The following SBF2 variants were observed in gnomAD, a reference collection of about 807,000 sequenced individuals.
The protein encoded by SBF2 is SET binding factor 2.
SBF2 carries 112 observed loss-of-function variants against 225.2 expected under a neutral mutation model. The observed-to-expected ratio is 0.50, with a 90% confidence interval of 0.43 to 0.58. The LOEUF is 0.58. SBF2 is among the 20% of genes least tolerant of loss of function. SBF2 has a pLI of 0.00. For synonymous variants in SBF2, 763 were observed against 773.3 expected, an observed-to-expected ratio of 0.99 and a Z score of 0.22; for missense variants, 1,996 against 2,206.2, an observed-to-expected ratio of 0.90 and a Z score of 1.91.
intron 16 of SBF2, chr11:9,961,721 A>G: frequency 2.3e-6 from 1 of 436,602 alleles, no homozygotes; most frequent in Non-Finnish European, 4.1e-6. Flanking sequence ...TGCTTATATT[A>G]CAGAACTAGT....
At chr11:10,215,728 T>C (rs1360552292) in intron 1 of SBF2, among the ~76,000 whole-genome samples, 1 of 152,256 alleles carries the variant, frequency 6.6e-6, no homozygotes, top group Admixed American at 6.5e-5. Flanking sequence ...ACTACTGCAA[T>C]ACCTTCATAA....
chr11:9,829,007 C>T (rs746495964), intron 28 of SBF2, among the ~76,000 whole-genome samples: 36 of 152,182 alleles, frequency 2.4e-4, no homozygotes, highest in Admixed American at 1.7e-3. Context: ...TGAGCTCACA[C>T]CTCACACCTG....
intron 2 of SBF2, among the ~76,000 whole-genome samples, chr11:10,121,343 C>A (rs868631934): frequency 1.3e-5 from 2 of 152,180 alleles, no homozygotes; most frequent in African/African-American, 2.4e-5. Flanking sequence ...TCTCTCCAAT[C>A]TCTCCTTTTT....
chr11:10,070,592 T>C (rs568086158), intron 2 of SBF2, among the ~76,000 whole-genome samples: 111 of 152,334 alleles, frequency 7.3e-4, no homozygotes, highest in Non-Finnish European at 1.2e-3. Flanking sequence ...TCAGGTAGCA[T>C]GATGCCTCCA....
chr11:10,022,161 T>C (rs993302125), intron 6 of SBF2, among the ~76,000 whole-genome samples: 4 of 152,202 alleles, frequency 2.6e-5, no homozygotes, highest in African/African-American at 9.7e-5. Flanking sequence ...ATGCCTTTTG[T>C]ACCTGAGGCA....
intron 1 of SBF2, among the ~76,000 whole-genome samples, chr11:10,195,814 G>A (rs867255613): frequency 3.3e-5 from 5 of 152,196 alleles, no homozygotes; most frequent in Admixed American, 1.3e-4. Context: ...AATTGCTGCA[G>A]TACAGTAACT....
At chr11:10,234,442 T>C (rs1170211316) in intron 1 of SBF2, among the ~76,000 whole-genome samples, 1 of 152,234 alleles carries the variant, frequency 6.6e-6, no homozygotes, top group Non-Finnish European at 1.5e-5. Flanking sequence ...ATTTGTTTTA[T>C]AACCATATCA....
intron 28 of SBF2, among the ~76,000 whole-genome samples, chr11:9,826,092 A>T (rs966565691): frequency 1.3e-5 from 2 of 152,244 alleles, no homozygotes; most frequent in African/African-American, 4.8e-5. Flanking sequence ...AAGGTCTAAA[A>T]TACCAGTCCA....
rs1851929823 is a variant in SBF2 at position 9,780,409 on chromosome 11, C to T, written c.*9G>A. ...CTTCTGTTTCTTCTGCGTGGGTTGA[C>T]CATGGGCATCAGGCATCAGAGATAC... is the stretch of plus-strand genomic sequence containing the variant. On this transcript the variant is annotated 3_prime_UTR_variant, in exon 40 of 40. Coordinates refer to ENST00000256190, the MANE Select transcript of SBF2 (RefSeq NM_030962.4). The T allele has an allele frequency of 6.2e-6, 10 of 1,610,500 alleles. No homozygotes were observed. The highest frequency in any genetic ancestry group is 8.5e-6 in the Non-Finnish European group (10 of 1,176,938).
At chr11:10,240,799 C>T (rs1959198401) in intron 1 of SBF2, among the ~76,000 whole-genome samples, 1 of 152,058 alleles carries the variant, frequency 6.6e-6, no homozygotes, top group South Asian at 2.1e-4. Flanking sequence ...ATTTGAAAAA[C>T]ACTTATTATT....
intron 1 of SBF2, among the ~76,000 whole-genome samples, chr11:10,237,991 A>G (rs1158385558): frequency 6.6e-6 from 1 of 152,248 alleles, no homozygotes; most frequent in Non-Finnish European, 1.5e-5. Context: ...TAAAGCTACT[A>G]CGAACATCCT....
intron 2 of SBF2, among the ~76,000 whole-genome samples, chr11:10,185,957 A>G (rs74782036): frequency 6.6e-6 from 1 of 152,226 alleles, no homozygotes; most frequent in African/African-American, 2.4e-5. Flanking sequence ...TTCACTCTCA[A>G]AAACATTCTG....
At chr11:9,967,132 G>C (rs1430778152) in intron 14 of SBF2, among the ~76,000 whole-genome samples, 4 of 152,208 alleles carry the variant, frequency 2.6e-5, no homozygotes. Flanking sequence ...AGGACTTTGG[G>C]AGGCCGAGGA....
chr11:9,781,580 T>G lies in SBF2; in HGVS notation c.5378A>C (p.Glu1793Ala). The G allele has an allele frequency of 6.2e-7, 1 of 1,614,246 alleles. No individual in the cohort carries two copies. The highest frequency in any genetic ancestry group is 1.3e-5 in the African/African-American group (1 of 75,072). The change falls in exon 39 of 40, where the codon GAA becomes GCA. Residue 1793 changes from glutamate (E) to alanine (A), a missense_variant. Glu to Ala is a moderately radical substitution (Grantham distance 107). Transcript: ENST00000256190. Reference protein sequence around the residue: ...TSCKGHIDLAEVEMVIPAGPS... With the variant: ...TSCKGHIDLAAVEMVIPAGPS... ...GCCAGCAGGGATGACCATTTCTACT[T>G]CAGCCAGATCAATGTGGCCTTTACA... is the stretch of plus-strand genomic sequence containing the variant.
chr11:9,930,444 G>A (rs1864404491), intron 16 of SBF2, among the ~76,000 whole-genome samples: 1 of 152,174 alleles, frequency 6.6e-6, no homozygotes, highest in African/African-American at 2.4e-5. Flanking sequence ...AAGATCAGCA[G>A]TCACCTGGGA....
At chr11:9,793,947 T>A (rs765212519) in intron 33 of SBF2, among the ~76,000 whole-genome samples, 2 of 152,236 alleles carry the variant, frequency 1.3e-5, no homozygotes, top group African/African-American at 2.4e-5. Flanking sequence ...ATCAGCTTAA[T>A]TCAGCAAAAC....
intron 1 of SBF2, among the ~76,000 whole-genome samples, chr11:10,248,248 T>TA (rs1960000012): frequency 6.6e-6 from 1 of 152,180 alleles, no homozygotes; most frequent in Admixed American, 6.5e-5. Flanking sequence ...ACTGGTCATT[T>TA]AAAAAGAGGG....
chr11:10,286,781 AAAG>A (rs1285145349), intron 1 of SBF2, among the ~76,000 whole-genome samples: 16 of 152,250 alleles, frequency 1.1e-4, no homozygotes, highest in African/African-American at 3.6e-4. Context: ...TTAAATTTAA[AAAG>A]AATAACTGAA....
intron 16 of SBF2, among the ~76,000 whole-genome samples, chr11:9,909,219 C>T (rs1862375965): frequency 6.6e-6 from 1 of 152,024 alleles, no homozygotes; most frequent in South Asian, 2.1e-4. Flanking sequence ...CTCAAATGTG[C>T]AGTTTTATTC....
Sources: allele counts gnomAD v4.1 joint callset (sites outside exome capture counted in the v4.1 genomes callset), GRCh38; gene constraint gnomAD v4.1.1; transcripts MANE v1.5; gene names NCBI Gene and HGNC (gene_info 2026-07-23, HGNC 2026-07-21).